Variants in ATRNL1 observed in about 807,000 individuals in gnomAD.
The protein encoded by ATRNL1 is attractin-like protein 1.
A neutral mutation model predicts 182.7 loss-of-function variants in ATRNL1; 95 were observed. That is an observed-to-expected ratio of 0.52 (90% confidence interval 0.44 to 0.62). ATRNL1 has a LOEUF of 0.62. Among genes scored for constraint, ATRNL1 ranks in the 20% least tolerant of loss-of-function variants. The pLI is 0.00. For synonymous variants in ATRNL1, 576 were observed against 568.3 expected (o/e 1.01, Z -0.19); for missense variants, 1,471 against 1,679.5 (o/e 0.88, Z 2.17).
chr10:115,704,652 A>G (rs80258367), intron 26 of ATRNL1, among the ~76,000 whole-genome samples: 11,844 of 151,912 alleles, frequency 0.078, 609 homozygotes, highest in Admixed American at 0.11. Context: ...TAAAAAATGA[A>G]AGCTAACACA....
At chr10:115,621,085 C>T (rs2133804208) in intron 26 of ATRNL1, among the ~76,000 whole-genome samples, 1 of 151,580 alleles carries the variant, frequency 6.6e-6, no homozygotes. Flanking sequence ...TTTGTAACTA[C>T]AAAGACTGTT....
chr10:115,312,979 T>G (rs1213295414), intron 17 of ATRNL1, among the ~76,000 whole-genome samples: 1 of 152,016 alleles, frequency 6.6e-6, no homozygotes, highest in African/African-American at 2.4e-5. Flanking sequence ...TTTCCAGAAG[T>G]TGGTTTCTTT....
Position 115,559,441 on chromosome 10 carries a change from T to TGTGTGCGC in ATRNL1, c.3795+9908_3795+9909insTGCGCGTG, listed in dbSNP as rs1554998480. Among the ~76,000 whole-genome samples, 10 of 15,292 alleles carry TGTGTGCGC rather than the reference T, an allele frequency of 6.5e-4. No homozygotes were observed. The Admixed American group carries it at 9.3e-3, about 14-fold the overall frequency. The allele number at this position is 15,292 out of a possible 152,430, so 10.0% of individuals were successfully genotyped here. A position where few individuals can be genotyped will look rare whatever the true frequency, so the allele number is the denominator to read the frequency against. On this transcript the variant is annotated intron_variant, in intron 26 of 28. Transcript: ENST00000355044. ...GTGTGTGTGTGTGTGTGTGTGTGTG[T>TGTGTGCGC]GTGCGCGCGCGCACGCACGCACATG...
chr10:115,304,597 G>C (rs2133985679), intron 17 of ATRNL1, among the ~76,000 whole-genome samples: 1 of 152,316 alleles, frequency 6.6e-6, no homozygotes, highest in Non-Finnish European at 1.5e-5. Context: ...GTACCAGGCA[G>C]GTATATGTAG....
At chr10:115,627,052 A>T (rs1181680117) in intron 26 of ATRNL1, among the ~76,000 whole-genome samples, 3 of 152,216 alleles carry the variant, frequency 2.0e-5, no homozygotes, top group Admixed American at 2.0e-4. Flanking sequence ...TAAAATTTGC[A>T]AAACTTGAAA....
intron 26 of ATRNL1, among the ~76,000 whole-genome samples, chr10:115,692,622 T>C (rs904529701): frequency 6.6e-6 from 1 of 151,590 alleles, no homozygotes; most frequent in Non-Finnish European, 1.5e-5. Flanking sequence ...ATAAATTTTA[T>C]AAATAATAAA....
chr10:115,610,386 CA>C (rs370398203), intron 26 of ATRNL1, among the ~76,000 whole-genome samples: 79 of 151,704 alleles, frequency 5.2e-4, no homozygotes, highest in African/African-American at 1.8e-3. Context: ...TCTATGACTA[CA>C]AAAAAAAGCT....
intron 27 of ATRNL1, among the ~76,000 whole-genome samples, chr10:115,836,607 C>T (rs1555095533): frequency 2.0e-5 from 3 of 152,202 alleles, no homozygotes; most frequent in Non-Finnish European, 4.4e-5. Context: ...CCTCTGTCTT[C>T]ACATGGTGAA....
chr10:115,634,494 CA>C (rs1427771448), intron 26 of ATRNL1, among the ~76,000 whole-genome samples: 1 of 151,850 alleles, frequency 6.6e-6, no homozygotes, highest in African/African-American at 2.4e-5. Context: ...AGACAGTATG[CA>C]AATAAAATGT....
intron 13 of ATRNL1, among the ~76,000 whole-genome samples, chr10:115,270,056 A>T (rs563387403): frequency 2.0e-5 from 3 of 151,696 alleles, no homozygotes; most frequent in Non-Finnish European, 4.4e-5. Context: ...TAACATGGTT[A>T]TGCTTTGAAA....
chr10:115,772,593 C>CTGTGTGTGTGTGTGTGTG lies in ATRNL1; in HGVS notation c.3903+45241_3903+45242insGTGTGTGTGTGTGTGTGT, dbSNP rs71475107. Among the ~76,000 whole-genome samples, 303 of 125,648 alleles carry CTGTGTGTGTGTGTGTGTG rather than the reference C, an allele frequency of 2.4e-3. 3 individuals are homozygous for CTGTGTGTGTGTGTGTGTG. Among genetic ancestry groups the CTGTGTGTGTGTGTGTGTG allele is most frequent in the East Asian group, 0.016 (74 of 4,530 alleles). The allele number at this position is 125,648 out of a possible 152,430, so 82.4% of individuals were successfully genotyped here. ...TGTATAAATATACAAAATATATACT[C>CTGTGTGTGTGTGTGTGTG]TGTCTGTGTGTGTGTGTGTGTGTGT... On this transcript the variant is annotated intron_variant, in intron 27 of 28. Transcript: ENST00000355044.
At chr10:115,168,191 A>G (rs1215449429) in intron 7 of ATRNL1, among the ~76,000 whole-genome samples, 1 of 152,178 alleles carries the variant, frequency 6.6e-6, no homozygotes, top group Non-Finnish European at 1.5e-5. Flanking sequence ...AAATAATATT[A>G]CATTTTATGG....
At position 115,809,556 on chromosome 10, in the gene ATRNL1, T is replaced by C. The variant is rs1446065177; in HGVS notation, c.3904-38321T>C. 2.0e-5 allele frequency among the ~76,000 whole-genome samples: 3 copies of C among 152,058 alleles called. No individual in the cohort carries two copies. In the South Asian group the frequency reaches 6.2e-4, roughly 31 times the overall value. ...TTTGTACCTAAATTTTTGATACTACTATAAATGGTAGCTTTTTTCATTTTG... is the reference window on the plus strand; with the variant it reads ...TTTGTACCTAAATTTTTGATACTACCATAAATGGTAGCTTTTTTCATTTTG... On this transcript the variant is annotated intron_variant, in intron 27 of 28. Coordinates refer to ENST00000355044, the MANE Select transcript of ATRNL1 (RefSeq NM_207303.4).
intron 28 of ATRNL1, among the ~76,000 whole-genome samples, chr10:115,921,525 T>TA (rs60018259): frequency 0.68 from 103,228 of 152,048 alleles, 38,341 homozygotes; most frequent in East Asian, 0.94. Flanking sequence ...TTAAGGTTCT[T>TA]AAATTCTTTT....
At chr10:115,751,779 T>C (rs1450490419) in intron 27 of ATRNL1, among the ~76,000 whole-genome samples, 1 of 152,096 alleles carries the variant, frequency 6.6e-6, no homozygotes, top group East Asian at 1.9e-4. Context: ...TGAAAACAAA[T>C]GTATGTTACT....
intron 21 of ATRNL1, among the ~76,000 whole-genome samples, chr10:115,445,618 T>C (rs1486662137): frequency 6.6e-6 from 1 of 151,522 alleles, no homozygotes; most frequent in African/African-American, 2.4e-5. Flanking sequence ...CATAGAGATA[T>C]ATTCACAAAC....
intron 18 of ATRNL1, 115 bp from the exon 19 acceptor site, chr10:115,334,167 G>T: frequency 3.3e-6 from 2 of 597,108 alleles, no homozygotes; most frequent in Non-Finnish European, 5.2e-6. Context: ...AAACTTGGAA[G>T]ATGCTCTTTG....
At chr10:115,203,324 G>A (rs1848666331) in intron 8 of ATRNL1, among the ~76,000 whole-genome samples, 1 of 152,044 alleles carries the variant, frequency 6.6e-6, no homozygotes. Context: ...AGCTGTTGAA[G>A]GGAATCTTTT....
chr10:115,667,248 G>T (rs1462339052), intron 26 of ATRNL1, among the ~76,000 whole-genome samples: 1 of 152,090 alleles, frequency 6.6e-6, no homozygotes, highest in African/African-American at 2.4e-5. Flanking sequence ...GGTCTCAAAG[G>T]CTGACTGCAC....
Sources: allele counts gnomAD v4.1 joint callset (sites outside exome capture counted in the v4.1 genomes callset), GRCh38; gene constraint gnomAD v4.1.1; transcripts MANE v1.5; gene names NCBI Gene and HGNC (gene_info 2026-07-23, HGNC 2026-07-21).